Variants in LRRC63 observed in about 807,000 individuals in gnomAD.
The protein encoded by LRRC63 is leucine-rich repeat-containing protein 63.
In LRRC63, 40 loss-of-function variants were observed where a neutral mutation model predicts 49.5. The observed-to-expected ratio is 0.81, with a 90% CI of 0.63 to 1.05. The LOEUF (loss-of-function observed/expected upper bound fraction) is 1.05, where lower values mean the gene tolerates loss of function less well. Among genes scored for constraint, LRRC63 ranks in the 50% least tolerant of loss-of-function variants. The probability of loss-of-function intolerance (pLI) is 0.00; values close to 1 mark genes in which losing one functional copy is unlikely to be tolerated. For missense variants in LRRC63, 636 were observed against 663.1 expected, an observed-to-expected ratio of 0.96 and a Z score of 0.45; for synonymous variants, 191 against 221.1, an observed-to-expected ratio of 0.86 and a Z score of 1.21.
chr13:46,266,731 A>T lies in LRRC63; in HGVS notation c.1311-2A>T. 1 of 1,534,636 alleles carries T rather than the reference A, an allele frequency of 6.5e-7. No individual in the cohort carries two copies. The highest frequency in any genetic ancestry group is 2.5e-5 in the East Asian group (1 of 40,724). ...TTAAAGTGTGGTTTCCTTTATTTAC[A>T]GATCACTTGAAAAACTGACTGTTGA... On this transcript the variant is annotated splice_acceptor_variant, in intron 8 of 9. Transcript: ENST00000595396. LOFTEE classifies it high-confidence loss of function.
chr13:46,226,636 C>T (rs1298304299), intron 2 of LRRC63, among the ~76,000 whole-genome samples: 4 of 152,160 alleles, frequency 2.6e-5, no homozygotes, highest in Admixed American at 2.6e-4. Flanking sequence ...ATCCCTCCTA[C>T]ACCCTCCATG....
At chr13:46,249,432 T>G (rs2138519014) in intron 6 of LRRC63, among the ~76,000 whole-genome samples, 1 of 151,748 alleles carries the variant, frequency 6.6e-6, no homozygotes, top group Admixed American at 6.6e-5. Flanking sequence ...AAGACCAGGA[T>G]GAAAGAAGAA....
At chr13:46,276,384 T>A (rs2047837082) in intron 9 of LRRC63, among the ~76,000 whole-genome samples, 1 of 152,162 alleles carries the variant, frequency 6.6e-6, no homozygotes, top group African/African-American at 2.4e-5. Context: ...CTTTCTGTTT[T>A]AAAAAGCTAG....
chr13:46,271,070 T>C (rs1218182112), intron 9 of LRRC63, among the ~76,000 whole-genome samples: 1 of 152,186 alleles, frequency 6.6e-6, no homozygotes, highest in African/African-American at 2.4e-5. Flanking sequence ...ATCAAAAATA[T>C]ATCATTAACC....
intron 5 of LRRC63, among the ~76,000 whole-genome samples, chr13:46,241,135 A>G (rs1280852370): frequency 1.3e-5 from 2 of 152,176 alleles, no homozygotes; most frequent in Non-Finnish European, 2.9e-5. Context: ...ACATAGACCA[A>G]TGGAACTGAA....
rs56215272 is a variant in LRRC63 at position 46,271,721 on chromosome 13, TA to T, written c.1550+4765del. Among the ~76,000 whole-genome samples the T allele has an allele frequency of 4.3e-3, 568 of 131,960 alleles. 4 individuals are homozygous for T. The highest frequency in any genetic ancestry group is 0.019 in the Middle Eastern group (5 of 260). 86.6% of individuals were successfully genotyped at this position (131,960 alleles called of 152,430 possible). A position where few individuals can be genotyped will look rare whatever the true frequency, so the allele number is the denominator to read the frequency against. Reference sequence around the variant, plus strand: ...GCAAATGCTTTCACATCATTTAAACTAAAAAAAAAAAAAAAACTCCAACAAC... The same window carrying T: ...GCAAATGCTTTCACATCATTTAAACTAAAAAAAAAAAAAAACTCCAACAAC... On this transcript the variant is annotated intron_variant, in intron 9 of 9. Coordinates refer to ENST00000595396, the Ensembl canonical transcript of LRRC63.
At chr13:46,220,871 G>A (rs946717879) in intron 2 of LRRC63, among the ~76,000 whole-genome samples, 8 of 152,118 alleles carry the variant, frequency 5.3e-5, no homozygotes, top group Non-Finnish European at 8.8e-5. Flanking sequence ...GGGAGCTCCC[G>A]GACCCCTTAT....
At chr13:46,213,024 T>C (rs1242985187) in exon 2 of LRRC63, 2 of 1,530,264 alleles carry the variant, frequency 1.3e-6, no homozygotes, top group Non-Finnish European at 1.8e-6. Context: ...CAGCACTTAT[T>C]ATTCATTAAA....
exon 10 of LRRC63, chr13:46,276,820 ATG>A (rs72350100): frequency 0.039 from 7,842 of 203,490 alleles, 697 homozygotes; most frequent in Admixed American, 0.071. Context: ...GATTTATCGT[ATG>A]TGTGTGTATA....
chr13:46,247,995 A>G (rs1277133181), intron 6 of LRRC63, among the ~76,000 whole-genome samples: 1 of 152,058 alleles, frequency 6.6e-6, no homozygotes, highest in African/African-American at 2.4e-5. Flanking sequence ...ACAAAAAAGG[A>G]AGAAGGAATT....
rs567882956 is a variant in LRRC63 at position 46,221,174 on chromosome 13, A to G, written c.86-6338A>G. Among the ~76,000 whole-genome samples, 8 of 152,322 alleles carry G rather than the reference A, an allele frequency of 5.3e-5. No individual in the cohort carries two copies. In the East Asian group the frequency reaches 1.5e-3, roughly 29 times the overall value. On this transcript the variant is annotated intron_variant, in intron 2 of 9. Transcript: ENST00000595396. ...ATGTTTATTGAATGAATTGATGAGA[A>G]CAATAAATATGTGTTGTATTATCAA...
intron 5 of LRRC63, among the ~76,000 whole-genome samples, chr13:46,234,670 A>G (rs2046856659): frequency 6.6e-6 from 1 of 152,178 alleles, no homozygotes; most frequent in Non-Finnish European, 1.5e-5. Flanking sequence ...ATGGCTTTTC[A>G]CTGAACACAA....
At chr13:46,230,716 G>A (rs2046728090) in intron 4 of LRRC63, among the ~76,000 whole-genome samples, 1 of 152,188 alleles carries the variant, frequency 6.6e-6, no homozygotes, top group Non-Finnish European at 1.5e-5. Context: ...ATAGCCTGCT[G>A]GAATCCCTCT....
At chr13:46,272,200 A>T (rs1353094191) in intron 9 of LRRC63, among the ~76,000 whole-genome samples, 3 of 152,140 alleles carry the variant, frequency 2.0e-5, no homozygotes, top group Non-Finnish European at 4.4e-5. Context: ...TATTTACGGG[A>T]TTTTTCACTT....
chr13:46,215,464 G>GT (rs141080652), intron 2 of LRRC63, among the ~76,000 whole-genome samples: 3 of 151,182 alleles, frequency 2.0e-5, no homozygotes, highest in Non-Finnish European at 3.0e-5. Context: ...GGGGTGGTTT[G>GT]TTTTTTTTTA....
chr13:46,266,165 T>C (rs1448373320), intron 8 of LRRC63, among the ~76,000 whole-genome samples: 5 of 152,224 alleles, frequency 3.3e-5, no homozygotes, highest in Non-Finnish European at 4.4e-5. Flanking sequence ...GATACATGAC[T>C]GTACAAAAAT....
intron 9 of LRRC63, among the ~76,000 whole-genome samples, chr13:46,271,492 T>G (rs1168118315): frequency 2.6e-5 from 4 of 152,230 alleles, no homozygotes; most frequent in African/African-American, 9.6e-5. Context: ...AAAGTAAAAC[T>G]GCAACACTGT....
chr13:46,261,550 T>C (rs1316278869), intron 7 of LRRC63, among the ~76,000 whole-genome samples: 1 of 152,214 alleles, frequency 6.6e-6, no homozygotes, highest in Non-Finnish European at 1.5e-5. Context: ...TCATTTCGAC[T>C]TCTGGCGCCC....
In LRRC63 at chr13:46,213,120, G is replaced by T. The variant is rs778816352; in HGVS notation, c.85+1G>T. ...TTACATGAGAAAAAAACCCATACAG[G>T]TATGTGTATTAATCAGATATGTGTA... is the stretch of plus-strand genomic sequence containing the variant. On this transcript the variant is annotated splice_donor_variant, in intron 2 of 9. Transcript: ENST00000595396. LOFTEE classifies it high-confidence loss of function. 1 of 1,525,544 alleles carries T rather than the reference G, an allele frequency of 6.6e-7. No homozygotes were observed. Among genetic ancestry groups the T allele is most frequent in the Non-Finnish European group, 8.9e-7 (1 of 1,126,996 alleles). 94.5% of individuals were successfully genotyped at this position (1,525,544 alleles called of 1,614,324 possible).
Sources: allele counts gnomAD v4.1 joint callset (sites outside exome capture counted in the v4.1 genomes callset), GRCh38; gene constraint gnomAD v4.1.1; transcripts MANE v1.5; gene names NCBI Gene and HGNC (gene_info 2026-07-23, HGNC 2026-07-21).